Variants in STAG3 observed in about 807,000 individuals in gnomAD.
STAG3 encodes the protein STAG3 cohesin complex component.
In STAG3, 101 loss-of-function variants were observed where a neutral mutation model predicts 160.7. The observed-to-expected ratio is 0.63, with a 90% CI of 0.54 to 0.74. The LOEUF (loss-of-function observed/expected upper bound fraction) is 0.74. Among genes scored for constraint, STAG3 ranks in the 30% least tolerant of loss-of-function variants. The probability of loss-of-function intolerance (pLI) is 0.00; values close to 1 mark genes in which losing one functional copy is unlikely to be tolerated. For synonymous variants in STAG3, 519 were observed against 585.0 expected, an observed-to-expected ratio of 0.89 and a Z score of 1.63; for missense variants, 1,188 against 1,517.4, an observed-to-expected ratio of 0.78 and a Z score of 3.61.
At chr7:100,204,257 C>G in intron 26 of STAG3, 135 bp downstream of exon 26, 1 of 675,434 alleles carries the variant, frequency 1.5e-6, no homozygotes. Flanking sequence ...GTGATAGGTT[C>G]CTTCATTCTT....
chr7:100,198,534 C>T lies in STAG3; in HGVS notation c.1304C>T (p.Ala435Val), dbSNP rs766314905. 4 of 1,614,052 alleles carry T rather than the reference C, an allele frequency of 2.5e-6. No individual in the cohort carries two copies. Among genetic ancestry groups the T allele is most frequent in the East Asian group, 2.2e-5 (1 of 44,900 alleles). ...GAGAGCGTCTACCCAGTTGTGTATG[C>T]CTCTCATCGAGGCCTGGCCTCTGCC... ...DCESVYPVVYASHRGLASAAG... is the reference protein window; with the variant it reads ...DCESVYPVVYVSHRGLASAAG... Residue 435 changes from alanine (A) to valine (V), a missense_variant, in exon 13 of 34, where the codon GCC (alanine) becomes GTC (valine). Ala to Val is a moderately conservative substitution (Grantham distance 64, BLOSUM62 0). This residue lies in a region of STAG3 where 240 missense variants were observed against 358.1 expected (regional missense o/e 0.67). Transcript: ENST00000615138.
intron 3 of STAG3, 90 bp downstream of exon 3, chr7:100,182,282 C>G (rs1799694765): frequency 2.1e-6 from 2 of 939,568 alleles, no homozygotes; most frequent in Non-Finnish European, 1.6e-6. Context: ...TGGCGTGAAC[C>G]CAGGGGGCAG....
intron 3 of STAG3, 64 bp downstream of exon 3, chr7:100,182,256 G>C (rs551667300): frequency 8.0e-7 from 1 of 1,248,404 alleles, no homozygotes; most frequent in African/African-American, 1.5e-5. Flanking sequence ...CTACTTGGGA[G>C]GCTGAGGCAG....
rs1047427023 is a variant in STAG3, at chr7:100,211,511, G to A, written c.3490G>A (p.Gly1164Ser). The stretch of plus-strand genomic sequence containing the variant: ...TTTCCAGACTCCACACAACCCTTCA[G>A]GTCCTGGCCTGGGCAACCAGCTGAT... ...QYFQTPHNPS[G>S]PGLGNQLMRL... Residue 1164 changes from glycine (G) to serine (S), a missense_variant, in exon 31 of 34, where the codon GGT becomes AGT. By Grantham distance (56) the Gly-to-Ser change is moderately conservative (BLOSUM62 0). Transcript: ENST00000615138. The A allele has an allele frequency of 9.9e-6, 16 of 1,613,482 alleles. No homozygotes were observed. Among genetic ancestry groups the A allele is most frequent in the African/African-American group, 2.7e-5 (2 of 74,760 alleles).
chr7:100,203,557 C>G (rs1342611756), intron 25 of STAG3, among the ~76,000 whole-genome samples: 1 of 151,750 alleles, frequency 6.6e-6, no homozygotes, highest in Non-Finnish European at 1.5e-5. Flanking sequence ...CTCTGTCGCC[C>G]AGGCTGGAGT....
chr7:100,202,934 A>T (rs1258319044), intron 25 of STAG3, among the ~76,000 whole-genome samples: 1 of 152,206 alleles, frequency 6.6e-6, no homozygotes, highest in Non-Finnish European at 1.5e-5. Flanking sequence ...ATACCTAGAT[A>T]GGTGCCCCAG....
intron 8 of STAG3, among the ~76,000 whole-genome samples, chr7:100,190,253 C>A (rs1215975323): frequency 1.3e-5 from 2 of 152,150 alleles, no homozygotes; most frequent in Non-Finnish European, 2.9e-5. Flanking sequence ...CTGATGAAAT[C>A]TTTAATCAGC....
At chr7:100,185,722 G>T (rs1379453570) in intron 4 of STAG3, among the ~76,000 whole-genome samples, 1 of 152,090 alleles carries the variant, frequency 6.6e-6, no homozygotes, top group Non-Finnish European at 1.5e-5. Flanking sequence ...GAATTCTCAA[G>T]AAAGAATTAT....
intron 8 of STAG3, among the ~76,000 whole-genome samples, chr7:100,192,516 T>TC (rs1176300732): frequency 6.6e-6 from 1 of 152,196 alleles, no homozygotes; most frequent in East Asian, 1.9e-4. Context: ...GGAGCAAGAC[T>TC]CCATCTCAAA....
Position 100,184,434 on chromosome 7 carries a change from C to T in STAG3, c.336+1595C>T, listed in dbSNP as rs1429755064. Reference sequence around the variant, plus strand: ...ACATTTTAATTCCAAATGTCTTTTCCACCTTATATGCAGTTGTACAGCGTG... The same window carrying T: ...ACATTTTAATTCCAAATGTCTTTTCTACCTTATATGCAGTTGTACAGCGTG... On this transcript the variant is annotated intron_variant, in intron 4 of 33. Transcript: ENST00000615138. Among the ~76,000 whole-genome samples the T allele has an allele frequency of 2.0e-5, 3 of 148,516 alleles. No individual in the cohort carries two copies. In the Admixed American group the frequency reaches 2.1e-4, roughly 10 times the overall value.
At chr7:100,178,713 C>T (rs1192953623) in intron 1 of STAG3, among the ~76,000 whole-genome samples, 1 of 151,922 alleles carries the variant, frequency 6.6e-6, no homozygotes, top group African/African-American at 2.4e-5. Context: ...GGCGGGAGCA[C>T]TGTGCACCAC....
Position 100,207,126 on chromosome 7 carries a change from C to G in STAG3, c.3238+1742C>G, listed in dbSNP as rs772229460. Among the ~76,000 whole-genome samples, 8 of 152,198 alleles carry G rather than the reference C, an allele frequency of 5.3e-5. No individual in the cohort carries two copies. Among genetic ancestry groups the G allele is most frequent in the Non-Finnish European group, 8.8e-5 (6 of 68,032 alleles). ...TGTGGATATGCCACATTCTACTTAT[C>G]CACTTGTCAGTTGATTGACATTTGG... On this transcript the variant is annotated intron_variant, in intron 29 of 33. Transcript: ENST00000615138. This position sits in a 1 kb window ranked among gnomAD's most constrained non-coding sequence, Gnocchi z 4.0.
At chr7:100,210,713 A>C (rs943403505) in intron 29 of STAG3, among the ~76,000 whole-genome samples, 17 of 152,114 alleles carry the variant, frequency 1.1e-4, no homozygotes, top group African/African-American at 3.1e-4. Context: ...TTCACCTGTT[A>C]CAGTTTATCT....
chr7:100,214,035 C>T lies in STAG3; in HGVS notation c.*20C>T, dbSNP rs931505933. 3 of 1,613,900 alleles carry T rather than the reference C, an allele frequency of 1.9e-6. No individual in the cohort carries two copies. In the East Asian group the frequency reaches 6.7e-5, roughly 36 times the overall value. On this transcript the variant is annotated 3_prime_UTR_variant, in exon 34 of 34. Transcript: ENST00000615138. ...TTCTGACAGGACTCTGGGCCCCTCC[C>T]CAGCTCCACTCCCTACCTCAAGAAT...
intron 5 of STAG3, 105 bp downstream of exon 5, chr7:100,186,401 A>C: frequency 2.7e-6 from 3 of 1,118,792 alleles, no homozygotes; most frequent in Admixed American, 4.0e-5. Context: ...TAAATAAAGG[A>C]AGATGGTAAA....
chr7:100,204,917 G>C (rs1801493628), intron 27 of STAG3, 88 bp from the exon 28 acceptor site: 2 of 1,575,078 alleles, frequency 1.3e-6, no homozygotes, highest in Admixed American at 1.8e-5. Flanking sequence ...GCTGGGGACG[G>C]GGGGAGGGTG....
chr7:100,180,847 G>C (rs1799601235), intron 2 of STAG3, 175 bp downstream of exon 2: 1 of 510,072 alleles, frequency 2.0e-6, no homozygotes, highest in East Asian at 3.4e-5. Flanking sequence ...GGCGGTCCTA[G>C]ATGTTGTAGA....
At chr7:100,191,171 T>C (rs1379246811) in intron 8 of STAG3, among the ~76,000 whole-genome samples, 1 of 152,124 alleles carries the variant, frequency 6.6e-6, no homozygotes, top group Non-Finnish European at 1.5e-5. Context: ...CTCTGGCCTT[T>C]ATCTACTAGA....
chr7:100,186,327 C>T (rs1311231643), intron 5 of STAG3, 31 bp downstream of exon 5: 1 of 1,560,148 alleles, frequency 6.4e-7, no homozygotes, highest in Non-Finnish European at 8.8e-7. Context: ...TTCTAATTCC[C>T]AGCCTTTTGT....
Sources: allele counts gnomAD v4.1 joint callset (sites outside exome capture counted in the v4.1 genomes callset), GRCh38; gene constraint gnomAD v4.1.1; regional missense constraint gnomAD v4.1.1; non-coding constraint Gnocchi (gnomAD v3.1); transcripts MANE v1.5; gene names NCBI Gene and HGNC (gene_info 2026-07-23, HGNC 2026-07-21).